HIP1: variants seen among roughly 807,000 people sequenced by gnomAD.
The protein encoded by HIP1 is huntingtin-interacting protein 1.
Under a neutral mutation model 147.6 loss-of-function variants are expected in HIP1, and 65 were observed. That is an observed-to-expected ratio of 0.44 (90% CI 0.36 to 0.54). The LOEUF is 0.54. HIP1 is among the 20% of genes least tolerant of loss of function. The pLI is 0.00. For synonymous variants in HIP1, 479 were observed against 504.0 expected, an observed-to-expected ratio of 0.95 and a Z score of 0.67; for missense variants, 1,061 against 1,299.6, an observed-to-expected ratio of 0.82 and a Z score of 2.82.
chr7:75,650,102 T>C lies in HIP1; in HGVS notation c.121-50855A>G, dbSNP rs538013649. 7.2e-5 allele frequency among the ~76,000 whole-genome samples: 11 copies of C among 152,226 alleles called. 1 individual carries two copies. Among genetic ancestry groups the C allele is most frequent in the African/African-American group, 2.6e-4 (11 of 41,548 alleles). ...AAACACCTGGCTTGGTCTTAGGATCTCATGATTAGCTGGCGGGTTCTGGGA... is the reference window on the plus strand; with the variant it reads ...AAACACCTGGCTTGGTCTTAGGATCCCATGATTAGCTGGCGGGTTCTGGGA... On this transcript the variant is annotated intron_variant, in intron 1 of 30. Coordinates refer to ENST00000336926, the MANE Select transcript of HIP1 (RefSeq NM_005338.7).
chr7:75,622,785 G>A (rs1211681879), intron 1 of HIP1, among the ~76,000 whole-genome samples: 2 of 152,100 alleles, frequency 1.3e-5, no homozygotes, highest in African/African-American at 4.8e-5. Context: ...GGAGGCTGTA[G>A]TGAGCTATGA....
chr7:75,636,882 C>T (rs535531413), intron 1 of HIP1, among the ~76,000 whole-genome samples: 2 of 152,280 alleles, frequency 1.3e-5, no homozygotes, highest in African/African-American at 4.8e-5. Flanking sequence ...ACAACCATCT[C>T]GATGTTTCCT....
At chr7:75,685,588 G>T (rs565028256) in intron 1 of HIP1, among the ~76,000 whole-genome samples, 22 of 152,244 alleles carry the variant, frequency 1.4e-4, no homozygotes, top group African/African-American at 4.1e-4. Context: ...CGCTCTTGTC[G>T]CCCAGGCTGG....
chr7:75,537,773 C>G lies in HIP1; in HGVS notation c.*399G>C. 1 of 273,310 alleles carries G rather than the reference C, an allele frequency of 3.7e-6. No individual in the cohort carries two copies. The highest frequency in any genetic ancestry group is 7.0e-6 in the Non-Finnish European group (1 of 142,978). 16.9% of individuals were successfully genotyped at this position (273,310 alleles called of 1,614,324 possible). On this transcript the variant is annotated 3_prime_UTR_variant, in exon 31 of 31. Coordinates refer to ENST00000336926, the MANE Select transcript of HIP1 (RefSeq NM_005338.7). ...GAAAAGAAAAGGCATAAGATCTTCC[C>G]TTTCCAAGCTGTCAACAAACAACAA...
chr7:75,548,241 C>T (rs1010911635), intron 23 of HIP1, among the ~76,000 whole-genome samples: 2 of 151,980 alleles, frequency 1.3e-5, no homozygotes, highest in South Asian at 4.2e-4. Flanking sequence ...GTTGTCCAGG[C>T]TGGTCTCAAA....
intron 1 of HIP1, among the ~76,000 whole-genome samples, chr7:75,713,386 T>C (rs1477823318): frequency 6.6e-6 from 1 of 152,148 alleles, no homozygotes; most frequent in Admixed American, 6.6e-5. Context: ...TGCCAAGTCT[T>C]ACTAGTATCC....
chr7:75,613,553 C>T (rs587688075), intron 1 of HIP1, among the ~76,000 whole-genome samples: 3 of 152,252 alleles, frequency 2.0e-5, no homozygotes, highest in South Asian at 2.1e-4. Context: ...CGCCTTTGGT[C>T]CCTAGAGGGC....
rs138790100 is a variant in HIP1 at position 75,545,148 on chromosome 7, C to A, written c.2600G>T (p.Arg867Leu). ...SPKEFYAKNS[R>L]WTEGLISASK... The stretch of plus-strand genomic sequence containing the variant: ...GGCTGAGATAAGTCCTTCTGTCCAT[C>A]GAGAGTTCTTGGCATAAAACTCTTT... Residue 867 changes from arginine (R) to leucine (L), a missense_variant, in exon 26 of 31, where the codon CGA (arginine) becomes CTA (leucine). Physicochemically the swap from Arg to Leu is moderately radical, Grantham distance 102. Around this residue, in one of 3 missense-constraint regions of HIP1, gnomAD observed 810 missense variants for 946.8 expected, o/e 0.86. Transcript: ENST00000336926. 3 of 1,611,730 alleles carry A rather than the reference C, an allele frequency of 1.9e-6. No individual in the cohort carries two copies. Among genetic ancestry groups the A allele is most frequent in the Admixed American group, 1.7e-5 (1 of 58,978 alleles).
intron 1 of HIP1, among the ~76,000 whole-genome samples, chr7:75,645,974 T>C (rs556999153): frequency 1.3e-5 from 2 of 152,294 alleles, no homozygotes; most frequent in South Asian, 2.1e-4. Flanking sequence ...AAACTACCTA[T>C]TGGGTACTGT....
intron 1 of HIP1, among the ~76,000 whole-genome samples, chr7:75,646,877 C>A (rs960763294): frequency 2.6e-5 from 4 of 152,120 alleles, no homozygotes; most frequent in African/African-American, 9.7e-5. Context: ...AGGTCAAGTG[C>A]TCTGCAATCA....
At position 75,559,458 on chromosome 7, in the gene HIP1, T is replaced by C. The variant is rs1795138966; in HGVS notation, c.1375+274A>G. Among the ~76,000 whole-genome samples, 4 of 152,308 alleles carry C rather than the reference T, an allele frequency of 2.6e-5. No homozygotes were observed. The South Asian group carries it at 8.3e-4, about 32-fold the overall frequency. On this transcript the variant is annotated intron_variant, in intron 14 of 30. Coordinates refer to ENST00000336926, the MANE Select transcript of HIP1 (RefSeq NM_005338.7). ...TTGTTAGGACCTCAATCCTCTCTCC[T>C]TCTCCCTTAGTATCCACTGCCCAGG...
chr7:75,693,919 C>CTCTTT (rs1321620934), intron 1 of HIP1, among the ~76,000 whole-genome samples: 1 of 114,876 alleles, frequency 8.7e-6, no homozygotes, highest in African/African-American at 3.5e-5. Flanking sequence ...ATTCTCTTTT[C>CTCTTT]TTTTTTTTTT....
chr7:75,694,493 TTTTC>T (rs782028770), intron 1 of HIP1, among the ~76,000 whole-genome samples: 99 of 145,868 alleles, frequency 6.8e-4, no homozygotes, highest in Non-Finnish European at 1.1e-3. Flanking sequence ...TTTCTTTTTC[TTTTC>T]TTTCTTTCTT....
intron 1 of HIP1, among the ~76,000 whole-genome samples, chr7:75,693,597 C>T (rs782329056): frequency 2.6e-5 from 4 of 151,958 alleles, no homozygotes; most frequent in Non-Finnish European, 5.9e-5. Flanking sequence ...ATTTTCTGGC[C>T]AGCGCGGTTG....
chr7:75,570,700 A>G (rs1795597001), intron 8 of HIP1, among the ~76,000 whole-genome samples: 1 of 152,136 alleles, frequency 6.6e-6, no homozygotes. Context: ...TAAAACAAAA[A>G]TAAATGTTTA....
chr7:75,589,144 C>CT lies in HIP1; in HGVS notation c.385-2312dup, dbSNP rs587713381. Among the ~76,000 whole-genome samples, 229 of 145,732 alleles carry CT rather than the reference C, an allele frequency of 1.6e-3. 1 individual carries two copies. Among genetic ancestry groups the CT allele is most frequent in the African/African-American group, 5.6e-3 (219 of 39,210 alleles). On this transcript the variant is annotated intron_variant, in intron 4 of 30. Coordinates refer to ENST00000336926, the MANE Select transcript of HIP1 (RefSeq NM_005338.7). ...CAGCCTGGGCAACAAGAGCAAAACT[C>CT]TGTCTTAAAAAAAAAAAAAAGAAGA...
chr7:75,595,239 T>TTCCTTCCTTCCTTCCTTCCTTC (rs1796668107), intron 2 of HIP1, among the ~76,000 whole-genome samples: 4 of 110,798 alleles, frequency 3.6e-5, no homozygotes, highest in East Asian at 4.8e-4. Flanking sequence ...TTTCTTTCTT[T>TTCCTTCCTTCCTTCCTTCCTTC]CTTTCTTTCT....
intron 11 of HIP1, 44 bp downstream of exon 11, chr7:75,562,891 C>T (rs782770807): frequency 6.2e-7 from 1 of 1,606,826 alleles, no homozygotes; most frequent in Non-Finnish European, 8.5e-7. Context: ...CCTGTACTTG[C>T]AGGTGAGAGG....
intron 1 of HIP1, among the ~76,000 whole-genome samples, chr7:75,615,774 AAAAAAC>A (rs1306348222): frequency 1.3e-5 from 2 of 151,852 alleles, no homozygotes; most frequent in African/African-American, 2.4e-5. Flanking sequence ...ACTCTGTCTC[AAAAAAC>A]AAAAACAAAA....
Sources: allele counts gnomAD v4.1 joint callset (sites outside exome capture counted in the v4.1 genomes callset), GRCh38; gene constraint gnomAD v4.1.1; regional missense constraint gnomAD v4.1.1; transcripts MANE v1.5; gene names NCBI Gene and HGNC (gene_info 2026-07-23, HGNC 2026-07-21).